The following SYNE1 variants were observed in gnomAD, a reference collection of about 807,000 sequenced individuals.
SYNE1 encodes spectrin repeat containing nuclear envelope protein 1, also known as nesprin-1.
A neutral mutation model predicts 1,111.0 loss-of-function variants in SYNE1; 616 were observed. The ratio of observed to expected loss-of-function variants is 0.55; its 90% CI spans 0.52 to 0.59. The LOEUF is 0.59. SYNE1 is among the 20% of genes least tolerant of loss of function. The pLI, the probability that SYNE1 is intolerant of heterozygous loss-of-function variation, is 0.00. For missense variants in SYNE1, 10,006 were observed against 10,417.0 expected (o/e 0.96, Z 1.72); for synonymous variants, 3,855 against 3,825.8 (o/e 1.01, Z -0.28).
chr6:152,171,099 C>T (rs1266707403), intron 130 of SYNE1, among the ~76,000 whole-genome samples: 1 of 152,184 alleles, frequency 6.6e-6, no homozygotes. Context: ...ACATGTTTTT[C>T]TTTATAAATC....
At chr6:152,490,946 C>A (rs2098967103) in intron 11 of SYNE1, among the ~76,000 whole-genome samples, 1 of 152,216 alleles carries the variant, frequency 6.6e-6, no homozygotes, top group Non-Finnish European at 1.5e-5. Context: ...CCCTGTCCTT[C>A]CAATTCCAGT....
At chr6:152,480,655 C>A (rs769155216) in intron 14 of SYNE1, 1 of 401,184 alleles carries the variant, frequency 2.5e-6, no homozygotes, top group East Asian at 7.2e-5. Flanking sequence ...CTTTAAGTAC[C>A]CATGCCCAGG....
intron 14 of SYNE1, among the ~76,000 whole-genome samples, chr6:152,473,289 A>G (rs2098816846): frequency 1.3e-5 from 2 of 152,212 alleles, no homozygotes; most frequent in South Asian, 4.1e-4. Flanking sequence ...AAAGTAAGAC[A>G]TATTAGACCA....
chr6:152,391,683 C>CTGACA (rs2097642742), intron 51 of SYNE1, 115 bp from the exon 52 acceptor site: 1 of 1,226,038 alleles, frequency 8.2e-7, no homozygotes, highest in African/African-American at 1.5e-5. Flanking sequence ...AGGCTCATAG[C>CTGACA]TGACATGCCT....
At chr6:152,619,044 A>ACT (rs1305441646) in intron 3 of SYNE1, among the ~76,000 whole-genome samples, 1 of 77,344 alleles carries the variant, frequency 1.3e-5, no homozygotes, top group African/African-American at 6.7e-5. Flanking sequence ...TAGGTGTGAG[A>ACT]ATCACACACA....
At chr6:152,237,099 C>A in intron 108 of SYNE1, 151 bp from the exon 109 acceptor site, 1 of 1,065,948 alleles carries the variant, frequency 9.4e-7, no homozygotes, top group South Asian at 1.4e-5. Context: ...CAAAAGATGG[C>A]TTTAAAGCAA....
At chr6:152,570,574 G>A (rs774356018) in intron 3 of SYNE1, among the ~76,000 whole-genome samples, 4 of 152,156 alleles carry the variant, frequency 2.6e-5, no homozygotes, top group African/African-American at 4.8e-5. Flanking sequence ...CTGAGGCCAC[G>A]TTGGATCTCC....
chr6:152,283,836 T>C (rs1562773556), intron 96 of SYNE1, 142 bp downstream of exon 96: 10 of 781,126 alleles, frequency 1.3e-5, no homozygotes, highest in African/African-American at 1.0e-4. Context: ...CTCCCGGCCG[T>C]GGAGACCATT....
rs1284947041 is a variant in SYNE1, at chr6:152,232,205, G to C, written c.20773C>G (p.Leu6925Val). ...TCCTTCTGAATAACATTTTCCATTA[G>C]AGAAATCCAACTCATGACTTCAGAA... is the stretch of plus-strand genomic sequence containing the variant. ...AISEVMSWIS[L>V]MENVIQKDED... Residue 6925 changes from leucine to valine, a missense_variant, in exon 113 of 146, where the codon CTA becomes GTA. By Grantham distance (32) the Leu-to-Val change is conservative (BLOSUM62 1). This residue lies in a region of SYNE1 where 2,182 missense variants were observed against 2,287.8 expected (regional missense o/e 0.95). Coordinates refer to ENST00000367255, the MANE Select transcript of SYNE1 (RefSeq NM_182961.4). The C allele has an allele frequency of 1.9e-6, 3 of 1,613,612 alleles. No homozygotes were observed. The highest frequency in any genetic ancestry group is 1.3e-5 in the African/African-American group (1 of 74,870).
At chr6:152,283,235 A>C (rs1322800648) in intron 96 of SYNE1, among the ~76,000 whole-genome samples, 1 of 152,216 alleles carries the variant, frequency 6.6e-6, no homozygotes, top group Admixed American at 6.5e-5. Flanking sequence ...TAACGTGGGA[A>C]CCAGAATAGC....
rs756083446 is a variant in SYNE1 at position 152,396,869 on chromosome 6, G to C, written c.7462C>G (p.Gln2488Glu). Reference protein sequence around the residue: ...SKQIVSSIQEQITKANEEFQA... With the variant: ...SKQIVSSIQEEITKANEEFQA... ...AACTCTTCATTGGCCTTTGTGATTT[G>C]TTCTTGAATGCTACTGACAATTTGT... Residue 2488 changes from glutamine to glutamate, a missense_variant, in exon 50 of 146, where the codon CAA becomes GAA. Physicochemically the swap from Gln to Glu is conservative, Grantham distance 29. Coordinates refer to ENST00000367255, the MANE Select transcript of SYNE1 (RefSeq NM_182961.4). 3 of 1,614,124 alleles carry C rather than the reference G, an allele frequency of 1.9e-6. No individual in the cohort carries two copies. Among genetic ancestry groups the C allele is most frequent in the Admixed American group, 1.7e-5 (1 of 60,016 alleles).
chr6:152,201,828 C>T lies in SYNE1; in HGVS notation c.23141G>A (p.Cys7714Tyr), dbSNP rs886061195. 7.4e-6 allele frequency: 12 copies of T among 1,613,798 alleles called. No individual in the cohort carries two copies. The East Asian group carries it at 2.5e-4, about 33-fold the overall frequency. Residue 7714 changes from cysteine to tyrosine, a missense_variant, in exon 127 of 146, where the codon TGC becomes TAC. Physicochemically the swap from Cys to Tyr is radical, Grantham distance 194. This residue lies in a region of SYNE1 where 2,182 missense variants were observed against 2,287.8 expected (regional missense o/e 0.95). Coordinates refer to ENST00000367255, the MANE Select transcript of SYNE1 (RefSeq NM_182961.4). ...HEELHAEQMR[C>Y]KELENAVGSW... ...AATCTCAGTTCAGTAATTTACCTTG[C>T]AACGCATTTGTTCTGCATGGAGCTC...
chr6:152,311,986 G>A (rs1364250860), intron 87 of SYNE1, among the ~76,000 whole-genome samples: 5 of 152,034 alleles, frequency 3.3e-5, no homozygotes, highest in South Asian at 2.1e-4. Flanking sequence ...GGGTTTCATC[G>A]TGTTAGCCAG....
In SYNE1 at chr6:152,311,016, A is replaced by G. The variant is rs1474439941; in HGVS notation, c.16711-143T>C. 5.1e-6 allele frequency: 4 copies of G among 782,042 alleles called. No individual in the cohort carries two copies. The East Asian group carries it at 8.0e-5, about 16-fold the overall frequency. 48.4% of individuals were successfully genotyped at this position (782,042 alleles called of 1,614,324 possible). ...CCTTCACCCCCCATGACCACTTTCT[A>G]CTTGGTAGCCACTTACTATTATAAC... On this transcript the variant is annotated intron_variant, in intron 87 of 145. Coordinates refer to ENST00000367255, the MANE Select transcript of SYNE1 (RefSeq NM_182961.4).
At chr6:152,207,733 G>A (rs931029981) in intron 125 of SYNE1, among the ~76,000 whole-genome samples, 2 of 152,144 alleles carry the variant, frequency 1.3e-5, no homozygotes, top group African/African-American at 2.4e-5. Flanking sequence ...AGTGAGCTGC[G>A]GCAGGCCATA....
At chr6:152,305,026 T>C (rs991378171) in intron 91 of SYNE1, among the ~76,000 whole-genome samples, 8 of 152,190 alleles carry the variant, frequency 5.3e-5, no homozygotes, top group African/African-American at 1.9e-4. Flanking sequence ...TAAAATAAAA[T>C]GGAACACTTG....
chr6:152,426,025 T>C (rs2098347371), intron 38 of SYNE1, among the ~76,000 whole-genome samples: 1 of 152,172 alleles, frequency 6.6e-6, no homozygotes, highest in Non-Finnish European at 1.5e-5. Flanking sequence ...GAGTCTAGAT[T>C]AGGCCAAACT....
intron 42 of SYNE1, among the ~76,000 whole-genome samples, chr6:152,411,731 C>CACCA (rs60807760): frequency 6.7e-6 from 1 of 149,474 alleles, no homozygotes; most frequent in African/African-American, 2.5e-5. Context: ...ACACACACCC[C>CACCA]CACACACACA....
At chr6:152,457,560 A>G (rs1251679446) in intron 22 of SYNE1, among the ~76,000 whole-genome samples, 1 of 152,230 alleles carries the variant, frequency 6.6e-6, no homozygotes, top group Non-Finnish European at 1.5e-5. Context: ...ACTAAAAATG[A>G]GACAAAGAAA....
Sources: gnomAD v4.1 joint callset for allele counts (sites outside exome capture counted in the v4.1 genomes callset) on GRCh38, gnomAD v4.1.1 for gene constraint, gnomAD v4.1.1 regional missense constraint, MANE v1.5 for transcripts, NCBI Gene and HGNC (gene_info 2026-07-23, HGNC 2026-07-21) for gene names.